PHF14: variants seen among roughly 807,000 people sequenced by gnomAD.
PHF14 encodes PHD finger protein 14.
A neutral mutation model predicts 117.9 loss-of-function variants in PHF14; 55 were observed. The observed-to-expected ratio is 0.47, with a 90% CI of 0.38 to 0.58. The LOEUF (loss-of-function observed/expected upper bound fraction) is 0.58. Among genes scored for constraint, PHF14 ranks in the 20% least tolerant of loss-of-function variants. The pLI, the probability that PHF14 is intolerant of heterozygous loss-of-function variation, is 0.00. For missense variants in PHF14, 978 were observed against 1,122.2 expected (o/e 0.87, Z 1.84); for synonymous variants, 409 against 368.6 (o/e 1.11, Z -1.26).
intron 17 of PHF14, among the ~76,000 whole-genome samples, chr7:11,162,635 C>G (rs1446175359): frequency 6.6e-6 from 1 of 151,802 alleles, no homozygotes; most frequent in Non-Finnish European, 1.5e-5. Context: ...ATCCTTAGGG[C>G]CTTTTTTTCC....
chr7:10,982,681 C>T lies in PHF14; in HGVS notation c.422C>T (p.Ser141Phe). The T allele has an allele frequency of 2.5e-6, 4 of 1,597,418 alleles. No homozygotes were observed. Among genetic ancestry groups the T allele is most frequent in the Non-Finnish European group, 3.4e-6 (4 of 1,171,636 alleles). ...REKEKEKATV[S>F]ENVAASAAAT... ...AAGGAAAAAGAAAAAGCAACAGTAT[C>T]TGAGAATGTGGCTGCTTCTGCTGCT... is the stretch of plus-strand genomic sequence containing the variant. Residue 141 changes from serine (S) to phenylalanine (F), a missense_variant, in exon 3 of 18, where the codon TCT becomes TTT. This residue lies in a region of PHF14 where 414 missense variants were observed against 376.4 expected (regional missense o/e 1.10). Coordinates refer to ENST00000634607, the MANE Select transcript of PHF14 (RefSeq NM_001007157.2).
chr7:11,152,188 A>G (rs1788721060), intron 17 of PHF14, among the ~76,000 whole-genome samples: 1 of 152,140 alleles, frequency 6.6e-6, no homozygotes, highest in African/African-American at 2.4e-5. Flanking sequence ...CAAAAATTGG[A>G]TTGTTTTGGA....
At chr7:11,159,970 A>G (rs559581373) in intron 17 of PHF14, among the ~76,000 whole-genome samples, 2 of 152,264 alleles carry the variant, frequency 1.3e-5, no homozygotes, top group Non-Finnish European at 2.9e-5. Flanking sequence ...TTACATAGGT[A>G]TATTGTGTGA....
chr7:11,105,950 T>C lies in PHF14; in HGVS notation c.2655-5400T>C, dbSNP rs188269845. Reference sequence around the variant, plus strand: ...ATGAACAGGGAAATACAAAGTTACATGGAGCTTGAGCTCAGCAGGTTGTAC... The same window carrying C: ...ATGAACAGGGAAATACAAAGTTACACGGAGCTTGAGCTCAGCAGGTTGTAC... On this transcript the variant is annotated intron_variant, in intron 16 of 17. Transcript: ENST00000634607. 1.2e-5 allele frequency: 12 copies of C among 984,914 alleles called. No individual in the cohort carries two copies. The East Asian group carries it at 1.4e-3, about 112-fold the overall frequency. 61.0% of individuals were successfully genotyped at this position (984,914 alleles called of 1,614,324 possible). A position where few individuals can be genotyped will look rare whatever the true frequency, so the allele number is the denominator to read the frequency against.
intron 16 of PHF14, chr7:11,106,090 T>C (rs1787251744): frequency 1.0e-6 from 1 of 984,120 alleles, no homozygotes; most frequent in South Asian, 4.7e-5. Context: ...GAAGAGTTGC[T>C]TGACCTTATT....
chr7:11,018,509 G>A (rs528307970), intron 5 of PHF14, among the ~76,000 whole-genome samples: 17 of 152,058 alleles, frequency 1.1e-4, no homozygotes, highest in African/African-American at 4.1e-4. Flanking sequence ...TGTGGCTATT[G>A]TAAATGCCAT....
intron 12 of PHF14, 131 bp downstream of exon 12, chr7:11,040,906 T>C: frequency 4.2e-6 from 2 of 476,982 alleles, no homozygotes; most frequent in Non-Finnish European, 7.4e-6. Flanking sequence ...CATTTGAAGT[T>C]CATTTTCTCA....
At chr7:10,974,399 G>T (rs1781790783) in intron 1 of PHF14, 75 bp downstream of exon 1, 11 of 1,280,260 alleles carry the variant, frequency 8.6e-6, no homozygotes, top group African/African-American at 4.4e-5. Flanking sequence ...TGGGAGCAGG[G>T]CAGGGGTGGG....
intron 17 of PHF14, among the ~76,000 whole-genome samples, chr7:11,137,764 T>G (rs1191058557): frequency 1.3e-5 from 2 of 151,812 alleles, no homozygotes. Context: ...TTTTGTATTT[T>G]CAGTAGAGAC....
At chr7:11,086,151 G>T (rs553004913) in intron 16 of PHF14, among the ~76,000 whole-genome samples, 1 of 152,236 alleles carries the variant, frequency 6.6e-6, no homozygotes, top group South Asian at 2.1e-4. Context: ...TCTCTAGTTT[G>T]AGTACCTCTA....
intron 13 of PHF14, among the ~76,000 whole-genome samples, chr7:11,049,101 G>C (rs924100204): frequency 6.6e-6 from 1 of 152,146 alleles, no homozygotes; most frequent in African/African-American, 2.4e-5. Flanking sequence ...TATCTGAAAA[G>C]GTACCTGCTT....
intron 14 of PHF14, among the ~76,000 whole-genome samples, chr7:11,056,004 A>G (rs3801442): frequency 6.6e-6 from 1 of 152,158 alleles, no homozygotes; most frequent in East Asian, 1.9e-4. Flanking sequence ...TGGGGGCTTT[A>G]CATACCAGAG....
Position 11,026,376 on chromosome 7 carries a change from A to G in PHF14, c.1318-2305A>G, listed in dbSNP as rs918210063. Among the ~76,000 whole-genome samples the G allele has an allele frequency of 3.7e-4, 56 of 152,374 alleles. 1 individual carries two copies. Among genetic ancestry groups the G allele is most frequent in the African/African-American group, 1.3e-3 (53 of 41,596 alleles). Reference sequence around the variant, plus strand: ...TAGTATAAACCTAACTTGAAAATACATGGAGAAACTAAAAAATTCTCGTGA... The same window carrying G: ...TAGTATAAACCTAACTTGAAAATACGTGGAGAAACTAAAAAATTCTCGTGA... On this transcript the variant is annotated intron_variant, in intron 6 of 17. Coordinates refer to ENST00000634607, the MANE Select transcript of PHF14 (RefSeq NM_001007157.2).
chr7:11,081,821 A>G (rs1299868714), intron 16 of PHF14, among the ~76,000 whole-genome samples: 1 of 151,104 alleles, frequency 6.6e-6, no homozygotes. Flanking sequence ...GCGCCACCAC[A>G]CTCCAGCCTG....
intron 3 of PHF14, among the ~76,000 whole-genome samples, chr7:10,985,541 T>C (rs1453213858): frequency 2.0e-5 from 3 of 151,876 alleles, no homozygotes; most frequent in Non-Finnish European, 2.9e-5. Context: ...GCAGGGCCCT[T>C]TTATAATTAC....
chr7:10,977,515 A>G (rs543039973), intron 2 of PHF14, among the ~76,000 whole-genome samples: 119 of 152,254 alleles, frequency 7.8e-4, no homozygotes, highest in Middle Eastern at 3.4e-3. Context: ...TCTATCATAA[A>G]ATAGAAACAA....
intron 16 of PHF14, among the ~76,000 whole-genome samples, chr7:11,075,582 T>A (rs867045270): frequency 1.6e-3 from 206 of 132,732 alleles, no homozygotes; most frequent in Middle Eastern, 3.8e-3. Context: ...TTTTTTTTTT[T>A]TTTTTTTTAT....
At chr7:10,989,741 C>T (rs1761597246) in intron 3 of PHF14, among the ~76,000 whole-genome samples, 1 of 152,108 alleles carries the variant, frequency 6.6e-6, no homozygotes, top group Admixed American at 6.6e-5. Flanking sequence ...AGTGATCTTC[C>T]CGCCTTAGCC....
intron 17 of PHF14, among the ~76,000 whole-genome samples, chr7:11,128,364 T>TA (rs978427088): frequency 1.3e-5 from 2 of 151,936 alleles, no homozygotes; most frequent in South Asian, 2.1e-4. Context: ...CTCTCAGCCT[T>TA]AAAAAAAGTC....
Sources: allele counts gnomAD v4.1 joint callset (sites outside exome capture counted in the v4.1 genomes callset), GRCh38; gene constraint gnomAD v4.1.1; regional missense constraint gnomAD v4.1.1; transcripts MANE v1.5; gene names NCBI Gene and HGNC (gene_info 2026-07-23, HGNC 2026-07-21).